MTUS1: variants seen among roughly 807,000 people sequenced by gnomAD.
MTUS1 encodes microtubule-associated tumor suppressor 1.
In MTUS1, 109 loss-of-function variants were observed where a neutral mutation model predicts 120.8. The ratio of observed to expected loss-of-function variants is 0.90; its 90% CI spans 0.77 to 1.06. MTUS1 has a LOEUF of 1.06. MTUS1 is among the 50% of genes least tolerant of loss of function. The pLI is 0.00. For synonymous variants in MTUS1, 737 were observed against 550.5 expected (o/e 1.34, Z -4.74); for missense variants, 2,210 against 1,486.3 (o/e 1.49, Z -8.01).
At chr8:17,718,318 A>G (rs1325645083) in intron 4 of MTUS1, among the ~76,000 whole-genome samples, 3 of 152,208 alleles carry the variant, frequency 2.0e-5, no homozygotes, top group Non-Finnish European at 2.9e-5. Flanking sequence ...AACAATTCCA[A>G]TATAAGAGAT....
intron 1 of MTUS1, among the ~76,000 whole-genome samples, chr8:17,763,580 T>C (rs751622465): frequency 1.1e-4 from 16 of 152,052 alleles, no homozygotes; most frequent in Non-Finnish European, 2.9e-5. Flanking sequence ...CCCGACCTCT[T>C]TTTTTCTCTT....
At chr8:17,745,516 A>T (rs561801877) in intron 2 of MTUS1, among the ~76,000 whole-genome samples, 1 of 152,346 alleles carries the variant, frequency 6.6e-6, no homozygotes, top group South Asian at 2.1e-4. Context: ...GCCCATAGAT[A>T]CAGAGGGCTG....
intron 9 of MTUS1, among the ~76,000 whole-genome samples, chr8:17,655,286 T>TAAAAAAA (rs35229905): frequency 7.3e-6 from 1 of 137,076 alleles, no homozygotes; most frequent in African/African-American, 2.8e-5. Flanking sequence ...CAGATGCCAC[T>TAAAAAAA]AAAAAAAAAA....
At chr8:17,726,140 C>T (rs115184947) in intron 3 of MTUS1, among the ~76,000 whole-genome samples, 2,832 of 152,232 alleles carry the variant, frequency 0.019, 37 homozygotes, top group East Asian at 0.051. Context: ...AATCCAAAGT[C>T]AGCTCAAGCT....
Position 17,754,854 on chromosome 8 carries a change from G to C in MTUS1, c.954C>G (p.Ser318=). The C allele has an allele frequency of 1.2e-6, 2 of 1,614,174 alleles. No individual in the cohort carries two copies. Among genetic ancestry groups the C allele is most frequent in the Non-Finnish European group, 1.7e-6 (2 of 1,180,040 alleles). Residue 318 remains serine, a synonymous_variant, in exon 2 of 15, where the codon TCC becomes TCG. Transcript: ENST00000693296. ...QEFFCLSHDE[S]NSEPHSQSSY... ...AGCTCTGTGAATGTGGTTCGCTATT[G>C]GATTCATCATGGGATAAACAAAAGA...
At chr8:17,714,754 GAA>G (rs1238730134) in intron 5 of MTUS1, among the ~76,000 whole-genome samples, 21 of 152,124 alleles carry the variant, frequency 1.4e-4, no homozygotes, top group Non-Finnish European at 8.8e-5. Context: ...CTGGTTGACA[GAA>G]TTAAGGAAGA....
chr8:17,651,637 G>C (rs1029155379), intron 12 of MTUS1: 5 of 150,384 alleles, frequency 3.3e-5, no homozygotes, highest in African/African-American at 1.2e-4. Flanking sequence ...TACAAGACTT[G>C]TACCCTCTGC....
At chr8:17,661,921 AG>A (rs2130419783) in intron 8 of MTUS1, among the ~76,000 whole-genome samples, 1 of 152,312 alleles carries the variant, frequency 6.6e-6, no homozygotes, top group African/African-American at 2.4e-5. Context: ...GTTTGAAGGA[AG>A]TGGCCTGGGC....
At chr8:17,707,923 C>A (rs548870733) in intron 6 of MTUS1, among the ~76,000 whole-genome samples, 2 of 152,232 alleles carry the variant, frequency 1.3e-5, no homozygotes, top group Admixed American at 1.3e-4. Context: ...AAGAATTAGA[C>A]CTTCTATCTC....
At chr8:17,746,534 G>A (rs2047762478) in intron 2 of MTUS1, among the ~76,000 whole-genome samples, 1 of 152,074 alleles carries the variant, frequency 6.6e-6, no homozygotes, top group Non-Finnish European at 1.5e-5. Flanking sequence ...CCAAGGGAAA[G>A]CAGTTTCCCC....
intron 4 of MTUS1, among the ~76,000 whole-genome samples, chr8:17,720,352 A>C (rs189695542): frequency 4.0e-4 from 61 of 152,044 alleles, no homozygotes; most frequent in Middle Eastern, 3.4e-3. Flanking sequence ...TCTAAAAAAA[A>C]AAAAAACAAA....
chr8:17,656,275 C>A (rs977267304), intron 8 of MTUS1, among the ~76,000 whole-genome samples: 3 of 152,092 alleles, frequency 2.0e-5, no homozygotes, highest in African/African-American at 7.2e-5. Context: ...CACCTGTAAT[C>A]CCAGCACTTT....
chr8:17,688,703 T>C (rs902471060), intron 6 of MTUS1, among the ~76,000 whole-genome samples: 1 of 152,228 alleles, frequency 6.6e-6, no homozygotes, highest in Non-Finnish European at 1.5e-5. Context: ...ATACAGTTTT[T>C]TAAAGTTACC....
At position 17,644,824 on chromosome 8, in the gene MTUS1, TG is replaced by T. The variant is rs572981033; in HGVS notation, c.*1101del. 2.0e-5 allele frequency: 3 copies of T among 152,320 alleles called. No individual in the cohort carries two copies. The South Asian group carries it at 6.2e-4, about 32-fold the overall frequency. The allele number at this position is 152,320 out of a possible 1,614,324, so 9.4% of individuals were successfully genotyped here. On this transcript the variant is annotated 3_prime_UTR_variant, in exon 15 of 15. Coordinates refer to ENST00000693296, the MANE Select transcript of MTUS1 (RefSeq NM_001363059.2). ...TTATTTGGAAAGTGGTTTCAGCACC[TG>T]GAAGATGAGCTGGCTCTGGGGCTCT...
At chr8:17,788,832 GT>G (rs529403222) in intron 1 of MTUS1, among the ~76,000 whole-genome samples, 86 of 152,248 alleles carry the variant, frequency 5.6e-4, no homozygotes, top group African/African-American at 2.0e-3. Flanking sequence ...ATGAAAATCA[GT>G]AAAAAAGAAC....
intron 1 of MTUS1, among the ~76,000 whole-genome samples, chr8:17,776,901 A>G (rs763615128): frequency 6.6e-6 from 1 of 151,998 alleles, no homozygotes; most frequent in Admixed American, 6.6e-5. Context: ...CTCTTTTAAG[A>G]CCTAATTGTA....
At chr8:17,782,306 A>G (rs2131530549) in intron 1 of MTUS1, among the ~76,000 whole-genome samples, 1 of 152,356 alleles carries the variant, frequency 6.6e-6, no homozygotes, top group East Asian at 1.9e-4. Context: ...TGATGTAGTA[A>G]GTTAAATATT....
chr8:17,756,311 T>C (rs796220101), intron 1 of MTUS1, among the ~76,000 whole-genome samples: 56 of 152,180 alleles, frequency 3.7e-4, no homozygotes, highest in African/African-American at 1.3e-3. Context: ...GCTGACAGAG[T>C]GACAATTCAC....
intron 8 of MTUS1, among the ~76,000 whole-genome samples, chr8:17,666,639 C>A (rs1810972861): frequency 6.6e-6 from 1 of 152,130 alleles, no homozygotes; most frequent in Non-Finnish European, 1.5e-5. Context: ...CTTTATTTTT[C>A]TTTGCAGGTA....
Sources: allele counts gnomAD v4.1 joint callset (sites outside exome capture counted in the v4.1 genomes callset), GRCh38; gene constraint gnomAD v4.1.1; transcripts MANE v1.5; gene names NCBI Gene and HGNC (gene_info 2026-07-23, HGNC 2026-07-21).